The following CCR3 variants were observed in gnomAD, a reference collection of about 807,000 sequenced individuals.
CCR3 encodes the protein C-C motif chemokine receptor 3.
For synonymous variants in CCR3, 203 were observed against 179.2 expected (o/e 1.13, Z -1.06); for missense variants, 419 against 437.5 (o/e 0.96, Z 0.38).
At chr3:46,228,225 C>T (rs748214656) in intron 2 of CCR3, among the ~76,000 whole-genome samples, 1 of 151,376 alleles carries the variant, frequency 6.6e-6, no homozygotes, top group East Asian at 1.9e-4. Flanking sequence ...ACACCCTGGT[C>T]TTTCTTCCTA....
At chr3:46,223,353 C>G (rs1699858767) in intron 2 of CCR3, among the ~76,000 whole-genome samples, 4 of 152,184 alleles carry the variant, frequency 2.6e-5, no homozygotes, top group Non-Finnish European at 4.4e-5. Context: ...AACAAACAAA[C>G]AAACAAATAA....
intron 2 of CCR3, among the ~76,000 whole-genome samples, chr3:46,225,485 G>T (rs1040350671): frequency 1.6e-4 from 24 of 152,218 alleles, no homozygotes; most frequent in African/African-American, 4.6e-4. Flanking sequence ...TTGTAAGAAA[G>T]TGCCATGCTC....
Position 46,265,410 on chromosome 3 carries a change from C to A in CCR3, c.252C>A (p.Leu84=). Residue 84 remains leucine (L), a synonymous_variant, in exon 2 of 2, where the codon CTC becomes CTA. Coordinates refer to ENST00000395940, the MANE Select transcript of CCR3 (RefSeq NM_178329.3). Reference sequence around the variant, plus strand: ...TGGCCATTTCGGACCTGCTCTTCCTCGTCACCCTTCCATTCTGGATCCACT... The same window carrying A: ...TGGCCATTTCGGACCTGCTCTTCCTAGTCACCCTTCCATTCTGGATCCACT... ...LNLAISDLLF[L]VTLPFWIHYV... The A allele has an allele frequency of 6.2e-7, 1 of 1,614,184 alleles. No homozygotes were observed. The highest frequency in any genetic ancestry group is 8.5e-7 in the Non-Finnish European group (1 of 1,180,022).
intron 2 of CCR3, among the ~76,000 whole-genome samples, chr3:46,224,169 TG>T (rs1207374532): frequency 6.6e-6 from 1 of 152,172 alleles, no homozygotes; most frequent in Non-Finnish European, 1.5e-5. Flanking sequence ...TATGTGAAAA[TG>T]TGCTCTGCAT....
intron 2 of CCR3, among the ~76,000 whole-genome samples, chr3:46,231,291 T>A (rs1462570499): frequency 6.6e-6 from 1 of 152,204 alleles, no homozygotes. Flanking sequence ...GCACTCCATA[T>A]GGAAATGGGC....
At chr3:46,255,683 T>C (rs1315533629) in intron 1 of CCR3, among the ~76,000 whole-genome samples, 1 of 152,228 alleles carries the variant, frequency 6.6e-6, no homozygotes, top group Non-Finnish European at 1.5e-5. Flanking sequence ...TTTTGTTTGC[T>C]TTGTTGAAAA....
intron 2 of CCR3, among the ~76,000 whole-genome samples, chr3:46,229,572 G>A (rs1307758533): frequency 1.3e-5 from 2 of 152,160 alleles, no homozygotes; most frequent in East Asian, 3.8e-4. Flanking sequence ...TGGAGGGCAG[G>A]AAGGACTGCA....
chr3:46,224,428 C>T (rs181010938), intron 2 of CCR3, among the ~76,000 whole-genome samples: 3 of 150,880 alleles, frequency 2.0e-5, no homozygotes, highest in African/African-American at 7.3e-5. Context: ...CATGGTGAAA[C>T]CCCATCTCTA....
chr3:46,216,923 A>G (rs1699781940), intron 2 of CCR3, among the ~76,000 whole-genome samples: 1 of 152,318 alleles, frequency 6.6e-6, no homozygotes, highest in African/African-American at 2.4e-5. Flanking sequence ...ATCTCACAGG[A>G]CCTATAAAAC....
At chr3:46,262,907 G>A (rs1255656441) in intron 1 of CCR3, among the ~76,000 whole-genome samples, 1 of 152,076 alleles carries the variant, frequency 6.6e-6, no homozygotes, top group Non-Finnish European at 1.5e-5. Context: ...CTCCCACCTG[G>A]GCCTCCCAAA....
chr3:46,211,435 G>A (rs187350203), intron 2 of CCR3, among the ~76,000 whole-genome samples: 4 of 151,420 alleles, frequency 2.6e-5, no homozygotes, highest in African/African-American at 7.3e-5. Flanking sequence ...TGTTGCCTAG[G>A]TTGGTCTCAA....
In CCR3 at chr3:46,265,394, C is replaced by T. The variant is rs371704270; in HGVS notation, c.236C>T (p.Ser79Leu). The change falls in exon 2 of 2, where the codon TCG becomes TTG. Residue 79 changes from serine to leucine, a missense_variant. Transcript: ENST00000395940. ...ATCTACCTGCTCAACCTGGCCATTT[C>T]GGACCTGCTCTTCCTCGTCACCCTT... ...TNIYLLNLAI[S>L]DLLFLVTLPF... 9 of 1,614,052 alleles carry T rather than the reference C, an allele frequency of 5.6e-6. No individual in the cohort carries two copies. Among genetic ancestry groups the T allele is most frequent in the South Asian group, 2.2e-5 (2 of 91,080 alleles).
At chr3:46,215,656 A>G (rs1699765761) in intron 2 of CCR3, among the ~76,000 whole-genome samples, 2 of 152,214 alleles carry the variant, frequency 1.3e-5, no homozygotes, top group African/African-American at 4.8e-5. Context: ...AGAAGTCTGT[A>G]TAGGGTTCAA....
chr3:46,264,744 G>C (rs1171679188), intron 1 of CCR3: 3 of 398,676 alleles, frequency 7.5e-6, no homozygotes, highest in Non-Finnish European at 1.3e-5. Context: ...GGATTTTTAA[G>C]GTATATGTAA....
intron 1 of CCR3, among the ~76,000 whole-genome samples, chr3:46,249,549 G>A (rs1282942632): frequency 1.3e-5 from 2 of 152,146 alleles, no homozygotes; most frequent in Admixed American, 6.5e-5. Flanking sequence ...TGGGGCTTCC[G>A]AGGCGATCAG....
At chr3:46,221,629 G>A (rs990659545) in intron 2 of CCR3, among the ~76,000 whole-genome samples, 1 of 152,102 alleles carries the variant, frequency 6.6e-6, no homozygotes, top group Non-Finnish European at 1.5e-5. Context: ...CCCTTTTCTA[G>A]ACTTTTAGTC....
At chr3:46,227,562 T>C (rs1699915613) in intron 2 of CCR3, among the ~76,000 whole-genome samples, 1 of 152,150 alleles carries the variant, frequency 6.6e-6, no homozygotes, top group Non-Finnish European at 1.5e-5. Flanking sequence ...CCTTTCTACT[T>C]GTTTTGAGTT....
chr3:46,247,356 G>A (rs911660635), intron 1 of CCR3, among the ~76,000 whole-genome samples: 9 of 152,164 alleles, frequency 5.9e-5, no homozygotes, highest in Non-Finnish European at 1.2e-4. Flanking sequence ...GGGGCCTAAT[G>A]AAAAGGAGCA....
intron 2 of CCR3, among the ~76,000 whole-genome samples, chr3:46,223,627 C>T (rs1007894778): frequency 6.6e-6 from 1 of 152,020 alleles, no homozygotes; most frequent in Non-Finnish European, 1.5e-5. Context: ...TGTGTGTGTG[C>T]ATGTATGTAT....
Sources: allele counts gnomAD v4.1 joint callset (sites outside exome capture counted in the v4.1 genomes callset), GRCh38; gene constraint gnomAD v4.1.1; transcripts MANE v1.5; gene names NCBI Gene and HGNC (gene_info 2026-07-23, HGNC 2026-07-21).